Variants in ADAMTSL3 observed in about 807,000 individuals in gnomAD.
ADAMTSL3 encodes the protein ADAMTS-like protein 3.
ADAMTSL3 carries 128 observed loss-of-function variants against 201.7 expected under a neutral mutation model. The observed-to-expected ratio is 0.63, with a 90% CI of 0.55 to 0.73. The LOEUF (loss-of-function observed/expected upper bound fraction) is 0.73, where lower values mean the gene tolerates loss of function less well. Ranked by LOEUF, ADAMTSL3 falls within the 30% of genes least tolerant of loss-of-function variation. The pLI, the probability that ADAMTSL3 is intolerant of heterozygous loss-of-function variation, is 0.00. For synonymous variants in ADAMTSL3, 738 were observed against 748.4 expected, an observed-to-expected ratio of 0.99 and a Z score of 0.23; for missense variants, 1,990 against 2,119.6, an observed-to-expected ratio of 0.94 and a Z score of 1.20.
chr15:83,831,686 G>C (rs923131480), intron 6 of ADAMTSL3, among the ~76,000 whole-genome samples: 1 of 152,100 alleles, frequency 6.6e-6, no homozygotes, highest in Non-Finnish European at 1.5e-5. Context: ...GCCACCACTG[G>C]CTAATTTATG....
At chr15:83,876,857 A>T (rs1396755542) in intron 9 of ADAMTSL3, among the ~76,000 whole-genome samples, 1 of 152,096 alleles carries the variant, frequency 6.6e-6, no homozygotes, top group Non-Finnish European at 1.5e-5. Flanking sequence ...CAGTGGCACG[A>T]TCTCACCTCA....
chr15:83,696,296 CCTTGACCTCCTGGA>C (rs2061687974), intron 2 of ADAMTSL3, among the ~76,000 whole-genome samples: 1 of 152,200 alleles, frequency 6.6e-6, no homozygotes, highest in African/African-American at 2.4e-5. Context: ...TGCAGTGCGG[CCTTGACCTCCTGGA>C]CTCAAGTGAT....
intron 15 of ADAMTSL3, among the ~76,000 whole-genome samples, chr15:83,903,838 A>G (rs535646944): frequency 1.4e-5 from 2 of 147,102 alleles, no homozygotes; most frequent in South Asian, 4.5e-4. Flanking sequence ...AAATTGCTTC[A>G]TCTCGGGAGG....
chr15:83,665,845 A>G (rs1215033003), intron 2 of ADAMTSL3, among the ~76,000 whole-genome samples: 1 of 152,234 alleles, frequency 6.6e-6, no homozygotes. Context: ...TTCATTTACA[A>G]ATAAACGGTA....
At chr15:83,968,890 A>G (rs1443957561) in intron 19 of ADAMTSL3, among the ~76,000 whole-genome samples, 2 of 152,176 alleles carry the variant, frequency 1.3e-5, no homozygotes, top group Non-Finnish European at 2.9e-5. Context: ...ATTCTCAGCA[A>G]ACTAACACAG....
intron 4 of ADAMTSL3, among the ~76,000 whole-genome samples, chr15:83,787,979 G>T (rs564721187): frequency 2.6e-5 from 4 of 151,926 alleles, no homozygotes; most frequent in South Asian, 2.1e-4. Context: ...TATTATGAAG[G>T]TATATTATTA....
chr15:83,847,495 CTT>C (rs34900690), intron 7 of ADAMTSL3, among the ~76,000 whole-genome samples: 32 of 137,854 alleles, frequency 2.3e-4, no homozygotes, highest in African/African-American at 4.1e-4. Context: ...TGCCAGGTAA[CTT>C]TTTTTTTTTT....
intron 3 of ADAMTSL3, among the ~76,000 whole-genome samples, chr15:83,755,284 A>C (rs1387398866): frequency 2.0e-5 from 3 of 152,150 alleles, no homozygotes. Flanking sequence ...TACCATTGTA[A>C]CCATTTTTAA....
chr15:83,850,923 G>C, intron 7 of ADAMTSL3, among the ~76,000 whole-genome samples: 1 of 152,264 alleles, frequency 6.6e-6, no homozygotes, highest in African/African-American at 2.4e-5. Context: ...TGCCCTTTAT[G>C]ACTTGAGTTC....
intron 26 of ADAMTSL3, 93 bp downstream of exon 26, chr15:84,021,686 G>GT (rs914274702): frequency 7.9e-5 from 109 of 1,387,618 alleles, no homozygotes; most frequent in Admixed American, 3.7e-4. Flanking sequence ...CAATAGCTAA[G>GT]TTTTTTTTAT....
intron 17 of ADAMTSL3, among the ~76,000 whole-genome samples, chr15:83,925,395 G>A (rs1567240143): frequency 1.3e-5 from 2 of 152,192 alleles, no homozygotes. Context: ...CTGGCTGTGC[G>A]TGGTTGAGGT....
chr15:83,959,504 C>T (rs187481204), intron 19 of ADAMTSL3, among the ~76,000 whole-genome samples: 59 of 152,250 alleles, frequency 3.9e-4, no homozygotes, highest in Admixed American at 2.2e-3. Flanking sequence ...ATCAAACTGA[C>T]GCTAGACTTC....
chr15:83,811,521 TC>T (rs1409550366), intron 5 of ADAMTSL3, among the ~76,000 whole-genome samples: 1 of 152,206 alleles, frequency 6.6e-6, no homozygotes, highest in African/African-American at 2.4e-5. Flanking sequence ...TAAAATGTAA[TC>T]TGCTAAAATT....
intron 2 of ADAMTSL3, among the ~76,000 whole-genome samples, chr15:83,683,817 G>A (rs2061505494): frequency 6.6e-6 from 1 of 152,144 alleles, no homozygotes; most frequent in South Asian, 2.1e-4. Context: ...TTCAACACCT[G>A]AGCTTCTCAT....
intron 15 of ADAMTSL3, 53 bp from the exon 16 acceptor site, chr15:83,913,039 T>C: frequency 6.4e-7 from 1 of 1,572,238 alleles, no homozygotes; most frequent in South Asian, 1.2e-5. Flanking sequence ...TTTTCTGGCC[T>C]ATATTTAATG....
chr15:83,784,795 CT>C (rs138292947), intron 4 of ADAMTSL3, among the ~76,000 whole-genome samples: 1 of 151,648 alleles, frequency 6.6e-6, no homozygotes, highest in East Asian at 1.9e-4. Context: ...ATTACTTAGG[CT>C]TTTTTTTCTT....
chr15:83,709,532 G>C (rs750971657), intron 3 of ADAMTSL3, among the ~76,000 whole-genome samples: 1 of 152,068 alleles, frequency 6.6e-6, no homozygotes, highest in African/African-American at 2.4e-5. Flanking sequence ...TCTTTTCATC[G>C]CTGAGTAAGT....
intron 3 of ADAMTSL3, among the ~76,000 whole-genome samples, chr15:83,769,808 A>G (rs1596173156): frequency 2.8e-5 from 4 of 143,252 alleles, no homozygotes; most frequent in East Asian, 2.0e-4. Context: ...TTTTGGTTAG[A>G]TGAGGTAACT....
At chr15:83,990,318 A>C (rs997508196) in intron 22 of ADAMTSL3, among the ~76,000 whole-genome samples, 1 of 152,226 alleles carries the variant, frequency 6.6e-6, no homozygotes, top group African/African-American at 2.4e-5. Flanking sequence ...TCCACATGTC[A>C]GCCTGGCTGT....
Sources: gnomAD v4.1 joint callset for allele counts (sites outside exome capture counted in the v4.1 genomes callset) on GRCh38, gnomAD v4.1.1 for gene constraint, MANE v1.5 for transcripts, NCBI Gene and HGNC (gene_info 2026-07-23, HGNC 2026-07-21) for gene names.